Variants in ANTXR1 observed in about 807,000 individuals in gnomAD.
The protein encoded by ANTXR1 is ANTXR cell adhesion molecule 1, also known as anthrax toxin receptor 1.
Under a neutral mutation model 78.1 loss-of-function variants are expected in ANTXR1, and 19 were observed. That is an observed-to-expected ratio of 0.24 (90% CI 0.17 to 0.36). The LOEUF is 0.36. Ranked by LOEUF, ANTXR1 falls within the 10% of genes least tolerant of loss-of-function variation. The pLI, the probability that ANTXR1 is intolerant of heterozygous loss-of-function variation, is 1.00. For synonymous variants in ANTXR1, 273 were observed against 260.5 expected (o/e 1.05, Z -0.46); for missense variants, 518 against 718.6 (o/e 0.72, Z 3.19).
intron 17 of ANTXR1, among the ~76,000 whole-genome samples, chr2:69,211,832 A>G (rs1043104936): frequency 3.3e-5 from 5 of 152,204 alleles, no homozygotes; most frequent in African/African-American, 1.2e-4. Context: ...AGTCCTGCAC[A>G]AGGCAGACTG....
Position 69,053,807 on chromosome 2 carries a change from C to A in ANTXR1, c.296+8994C>A, listed in dbSNP as rs143805930. Among the ~76,000 whole-genome samples the A allele has an allele frequency of 5.9e-5, 9 of 152,244 alleles. No homozygotes were observed. In the East Asian group the frequency reaches 1.7e-3, roughly 29 times the overall value. On this transcript the variant is annotated intron_variant, in intron 3 of 17. Coordinates refer to ENST00000303714, the MANE Select transcript of ANTXR1 (RefSeq NM_032208.3). ...AAATGATTCCCAGAGAGACAGAATTCTTTGCTCAAATTCATTCATATACTC... is the reference window on the plus strand; with the variant it reads ...AAATGATTCCCAGAGAGACAGAATTATTTGCTCAAATTCATTCATATACTC...
At position 69,066,815 on chromosome 2, in the gene ANTXR1, AC is replaced by A. The variant is rs377095808; in HGVS notation, c.297-3829del. Reference sequence around the variant, plus strand: ...AGGAACACAAAACAAATGGCCTAAAACCCTTAGCTTCTAAGTAGGAACACTG... The same window carrying A: ...AGGAACACAAAACAAATGGCCTAAAACCTTAGCTTCTAAGTAGGAACACTG... On this transcript the variant is annotated intron_variant, in intron 3 of 17. Coordinates refer to ENST00000303714, the MANE Select transcript of ANTXR1 (RefSeq NM_032208.3). 1.6e-3 allele frequency among the ~76,000 whole-genome samples: 244 copies of A among 152,302 alleles called. 16 individuals are homozygous for A. The East Asian group carries it at 0.031, about 19-fold the overall frequency.
intron 2 of ANTXR1, among the ~76,000 whole-genome samples, chr2:69,043,080 A>G (rs11126213): frequency 0.037 from 5,579 of 152,106 alleles, 295 homozygotes; most frequent in East Asian, 0.22. Context: ...GGAGACCTTT[A>G]TTTTCCACAT....
intron 17 of ANTXR1, among the ~76,000 whole-genome samples, chr2:69,210,548 T>C (rs1302615436): frequency 6.6e-6 from 1 of 152,202 alleles, no homozygotes; most frequent in Non-Finnish European, 1.5e-5. Context: ...TGCAATGTCA[T>C]ATATGCAGTC....
chr2:69,182,826 C>A, intron 16 of ANTXR1, 166 bp downstream of exon 16: 2 of 864,300 alleles, frequency 2.3e-6, no homozygotes, highest in Non-Finnish European at 3.6e-6. Flanking sequence ...ATTACTTTGT[C>A]AATTTCCACA....
At chr2:69,162,313 TTCTGCCTAAA>T (rs1230682231) in intron 13 of ANTXR1, among the ~76,000 whole-genome samples, 6 of 152,150 alleles carry the variant, frequency 3.9e-5, no homozygotes, top group Non-Finnish European at 5.9e-5. Flanking sequence ...AAATTGAGTC[TTCTGCCTAAA>T]GCTGCCTAAA....
intron 1 of ANTXR1, among the ~76,000 whole-genome samples, chr2:69,039,575 T>G (rs1669552358): frequency 6.6e-6 from 1 of 152,222 alleles, no homozygotes; most frequent in Non-Finnish European, 1.5e-5. Context: ...ATTAATATGA[T>G]TTACAGATTT....
At chr2:69,244,570 G>A (rs1273444307) in intron 17 of ANTXR1, among the ~76,000 whole-genome samples, 1 of 152,176 alleles carries the variant, frequency 6.6e-6, no homozygotes, top group African/African-American at 2.4e-5. Context: ...AAGTGTTTGA[G>A]GGGGCACAGA....
At chr2:69,134,992 C>T in intron 12 of ANTXR1, 1 of 381,372 alleles carries the variant, frequency 2.6e-6, no homozygotes, top group South Asian at 2.0e-5. Context: ...ATTATTTTAA[C>T]AGGATGGCTT....
chr2:69,080,523 G>A (rs1403478193), intron 8 of ANTXR1, among the ~76,000 whole-genome samples: 1 of 152,158 alleles, frequency 6.6e-6, no homozygotes, highest in East Asian at 1.9e-4. Flanking sequence ...ATATGCAGGG[G>A]CTAGTATTTA....
At chr2:69,130,719 A>T (rs1672715054) in intron 12 of ANTXR1, among the ~76,000 whole-genome samples, 1 of 152,200 alleles carries the variant, frequency 6.6e-6, no homozygotes, top group Admixed American at 6.5e-5. Context: ...CTTGCCAAGT[A>T]AAAGTCTAAT....
chr2:69,112,268 T>C (rs1219778528), intron 10 of ANTXR1, among the ~76,000 whole-genome samples: 1 of 151,680 alleles, frequency 6.6e-6, no homozygotes, highest in African/African-American at 2.4e-5. Context: ...GAGGGAGGAG[T>C]TATTTGAATC....
intron 12 of ANTXR1, among the ~76,000 whole-genome samples, chr2:69,142,960 G>A (rs1407933703): frequency 2.0e-5 from 3 of 152,274 alleles, no homozygotes; most frequent in East Asian, 1.9e-4. Context: ...AAACGTGTGA[G>A]CCTGTGCATA....
intron 12 of ANTXR1, chr2:69,146,226 C>G: frequency 1.0e-6 from 1 of 985,398 alleles, no homozygotes; most frequent in African/African-American, 1.7e-5. Context: ...GGATGATCCC[C>G]CAACAGGAAG....
chr2:69,023,641 T>A (rs114978666), intron 1 of ANTXR1, among the ~76,000 whole-genome samples: 2,958 of 152,230 alleles, frequency 0.019, 27 homozygotes, highest in Middle Eastern at 0.041. Context: ...CTGGCTAGGA[T>A]AAGGAATATA....
At chr2:69,193,302 A>G in intron 16 of ANTXR1, 33 bp from the exon 17 acceptor site, 1 of 1,607,898 alleles carries the variant, frequency 6.2e-7, no homozygotes, top group Non-Finnish European at 8.5e-7. Flanking sequence ...GTCTGGTTTC[A>G]TATGTAATCT....
chr2:69,076,038 C>A (rs955696229), intron 7 of ANTXR1, among the ~76,000 whole-genome samples: 1 of 152,200 alleles, frequency 6.6e-6, no homozygotes, highest in Non-Finnish European at 1.5e-5. Flanking sequence ...GTCTGCCTCC[C>A]AGGCTTAAGT....
intron 17 of ANTXR1, among the ~76,000 whole-genome samples, chr2:69,200,781 G>A (rs1674756526): frequency 6.6e-6 from 1 of 152,178 alleles, no homozygotes; most frequent in South Asian, 2.1e-4. Flanking sequence ...GTGTGCAAGA[G>A]AAGAGAGTGT....
intron 7 of ANTXR1, among the ~76,000 whole-genome samples, chr2:69,076,829 G>A (rs2104231637): frequency 6.6e-6 from 1 of 152,328 alleles, no homozygotes; most frequent in Middle Eastern, 3.4e-3. Context: ...GGCAGTCACA[G>A]AACCACACAG....
Sources: gnomAD v4.1 joint callset for allele counts (sites outside exome capture counted in the v4.1 genomes callset) on GRCh38, gnomAD v4.1.1 for gene constraint, MANE v1.5 for transcripts, NCBI Gene and HGNC (gene_info 2026-07-23, HGNC 2026-07-21) for gene names.